Variants in SLC25A21 observed in about 807,000 individuals in gnomAD.
The protein encoded by SLC25A21 is solute carrier family 25 member 21, also known as mitochondrial 2-oxodicarboxylate carrier.
In SLC25A21, 47 loss-of-function variants were observed where a neutral mutation model predicts 43.8. The ratio of observed to expected loss-of-function variants is 1.07; its 90% CI spans 0.85 to 1.37. The LOEUF (loss-of-function observed/expected upper bound fraction) is 1.37, where lower values mean the gene tolerates loss of function less well. Among genes scored for constraint, SLC25A21 ranks in the 40% most tolerant of loss-of-function variants. SLC25A21 has a pLI of 0.00. For missense variants in SLC25A21, 352 were observed against 350.2 expected (o/e 1.00, Z -0.04); for synonymous variants, 131 against 121.3 (o/e 1.08, Z -0.52).
At chr14:37,012,929 C>G (rs1374403607) in intron 1 of SLC25A21, among the ~76,000 whole-genome samples, 1 of 152,170 alleles carries the variant, frequency 6.6e-6, no homozygotes, top group African/African-American at 2.4e-5. Flanking sequence ...TGGGGACACA[C>G]CAACCTGGTC....
At chr14:37,050,565 A>C (rs1287145883) in intron 1 of SLC25A21, among the ~76,000 whole-genome samples, 2 of 152,176 alleles carry the variant, frequency 1.3e-5, no homozygotes, top group Non-Finnish European at 2.9e-5. Flanking sequence ...TTTCTAATAG[A>C]GCAAAACAGT....
chr14:37,075,469 T>C (rs940275987), intron 1 of SLC25A21, among the ~76,000 whole-genome samples: 3 of 152,178 alleles, frequency 2.0e-5, no homozygotes, highest in South Asian at 2.1e-4. Context: ...GTATTAAAAA[T>C]AGAAACTTCC....
chr14:37,043,860 A>C (rs1961526439), intron 1 of SLC25A21, among the ~76,000 whole-genome samples: 1 of 151,652 alleles, frequency 6.6e-6, no homozygotes, highest in Non-Finnish European at 1.5e-5. Context: ...TCAGCCTCCC[A>C]AGTAGCTGGA....
intron 1 of SLC25A21, among the ~76,000 whole-genome samples, chr14:37,120,749 T>C (rs542881631): frequency 6.6e-6 from 1 of 152,084 alleles, no homozygotes; most frequent in Admixed American, 6.6e-5. Context: ...TTTTCTCTTG[T>C]GCCCTCTTCT....
In SLC25A21 at chr14:36,678,743, A is replaced by G; in HGVS notation, c.*1915T>C. The G allele has an allele frequency of 8.7e-7, 1 of 1,150,666 alleles. No homozygotes were observed. The highest frequency in any genetic ancestry group is 1.1e-6 in the Non-Finnish European group (1 of 931,086). The allele number at this position is 1,150,666 out of a possible 1,614,324, so 71.3% of individuals were successfully genotyped here. ...AATCTCTTGTTATTGTGCTATTTATAATTTTTTTCTGGTTCTTGTATTTTA... is the reference window on the plus strand; with the variant it reads ...AATCTCTTGTTATTGTGCTATTTATGATTTTTTTCTGGTTCTTGTATTTTA... On this transcript the variant is annotated 3_prime_UTR_variant, in exon 10 of 10. Transcript: ENST00000331299.
rs1363508762 is a variant in SLC25A21 at position 36,988,252 on chromosome 14, A to G, written c.71-113248T>C. 3.9e-5 allele frequency among the ~76,000 whole-genome samples: 6 copies of G among 152,208 alleles called. No homozygotes were observed. The East Asian group carries it at 1.2e-3, about 29-fold the overall frequency. On this transcript the variant is annotated intron_variant, in intron 1 of 9. Coordinates refer to ENST00000331299, the MANE Select transcript of SLC25A21 (RefSeq NM_030631.4). ...TAATGCCTATCTTGCTGCAGGGATTAAATGTGAAAGTGCCTGATATTTTTC... is the reference window on the plus strand; with the variant it reads ...TAATGCCTATCTTGCTGCAGGGATTGAATGTGAAAGTGCCTGATATTTTTC...
At chr14:36,885,018 T>C (rs545744792) in intron 1 of SLC25A21, among the ~76,000 whole-genome samples, 2 of 152,316 alleles carry the variant, frequency 1.3e-5, no homozygotes, top group South Asian at 4.1e-4. Context: ...TGCCTGCGCT[T>C]TTGGGGATAT....
At chr14:36,922,528 A>C (rs2138626098) in intron 1 of SLC25A21, among the ~76,000 whole-genome samples, 1 of 114,648 alleles carries the variant, frequency 8.7e-6, no homozygotes, top group East Asian at 2.1e-4. Flanking sequence ...AGAAATCCTC[A>C]TAAAGGCCCT....
intron 1 of SLC25A21, among the ~76,000 whole-genome samples, chr14:37,170,055 G>C (rs79094751): frequency 6.8e-6 from 1 of 146,910 alleles, no homozygotes. Flanking sequence ...TTTTTTTTTT[G>C]AGACCGAGTC....
At chr14:37,015,535 A>C (rs1377636038) in intron 1 of SLC25A21, among the ~76,000 whole-genome samples, 5 of 149,210 alleles carry the variant, frequency 3.4e-5, no homozygotes, top group Non-Finnish European at 5.9e-5. Flanking sequence ...AGCATGATTT[A>C]TAGTCATTTG....
chr14:36,928,111 AT>A (rs1892182905), intron 1 of SLC25A21, among the ~76,000 whole-genome samples: 1 of 152,202 alleles, frequency 6.6e-6, no homozygotes, highest in Non-Finnish European at 1.5e-5. Flanking sequence ...TTCCTAAAGC[AT>A]CTGGCCTCTC....
chr14:36,699,329 A>G (rs1883177222), intron 7 of SLC25A21, among the ~76,000 whole-genome samples: 1 of 152,178 alleles, frequency 6.6e-6, no homozygotes, highest in South Asian at 2.1e-4. Context: ...GCTTCAACCC[A>G]GAGGGGTGGC....
intron 7 of SLC25A21, among the ~76,000 whole-genome samples, chr14:36,707,254 G>C (rs113973537): frequency 6.6e-6 from 1 of 152,102 alleles, no homozygotes; most frequent in East Asian, 1.9e-4. Context: ...TTTATACTGG[G>C]GGAATTTCTC....
chr14:36,873,891 G>C (rs1453072070), intron 2 of SLC25A21, among the ~76,000 whole-genome samples: 2 of 152,054 alleles, frequency 1.3e-5, no homozygotes, highest in Non-Finnish European at 2.9e-5. Flanking sequence ...ACCAAGAACT[G>C]AATCAGCCAA....
chr14:37,042,170 C>T (rs1387235470), intron 1 of SLC25A21, among the ~76,000 whole-genome samples: 1 of 152,118 alleles, frequency 6.6e-6, no homozygotes. Context: ...TTAAAGCTGG[C>T]GAGCAAACAG....
chr14:36,719,526 C>G (rs1424979554), intron 6 of SLC25A21, among the ~76,000 whole-genome samples: 2 of 152,190 alleles, frequency 1.3e-5, no homozygotes, highest in African/African-American at 4.8e-5. Flanking sequence ...ACTTTGCTCC[C>G]CACAGAAGGT....
chr14:36,955,149 G>A (rs543531766), intron 1 of SLC25A21, among the ~76,000 whole-genome samples: 1 of 152,272 alleles, frequency 6.6e-6, no homozygotes, highest in African/African-American at 2.4e-5. Context: ...TTAAGTGGGT[G>A]AGTAAATGAA....
At chr14:37,050,388 C>G (rs1223967614) in intron 1 of SLC25A21, among the ~76,000 whole-genome samples, 1 of 152,154 alleles carries the variant, frequency 6.6e-6, no homozygotes, top group Non-Finnish European at 1.5e-5. Flanking sequence ...CAGTAAGTAA[C>G]TCAACCTGAT....
chr14:37,137,892 T>C (rs1388718447), intron 1 of SLC25A21, among the ~76,000 whole-genome samples: 3 of 152,200 alleles, frequency 2.0e-5, no homozygotes, highest in Non-Finnish European at 4.4e-5. Flanking sequence ...TAAAATATGT[T>C]GAAAAAATTA....
Sources: gnomAD v4.1 joint callset for allele counts (sites outside exome capture counted in the v4.1 genomes callset) on GRCh38, gnomAD v4.1.1 for gene constraint, MANE v1.5 for transcripts, NCBI Gene and HGNC (gene_info 2026-07-23, HGNC 2026-07-21) for gene names.